The following NR6A1 variants were observed in gnomAD, a reference collection of about 807,000 sequenced individuals.
NR6A1 encodes retinoic acid receptor-related testis-associated receptor.
A neutral mutation model predicts 59.1 loss-of-function variants in NR6A1; 7 were observed. The observed-to-expected ratio is 0.12, with a 90% CI of 0.07 to 0.22. NR6A1 has a LOEUF of 0.22. NR6A1 is among the 10% of genes least tolerant of loss of function. The pLI is 1.00. For missense variants in NR6A1, 468 were observed against 611.6 expected, an observed-to-expected ratio of 0.77 and a Z score of 2.48; for synonymous variants, 243 against 236.1, an observed-to-expected ratio of 1.03 and a Z score of -0.27.
At chr9:124,560,166 C>G (rs1346234064) in intron 2 of NR6A1, among the ~76,000 whole-genome samples, 1 of 152,232 alleles carries the variant, frequency 6.6e-6, no homozygotes, top group African/African-American at 2.4e-5. Flanking sequence ...CAACCACACA[C>G]ATATTTAATT....
At chr9:124,660,648 C>CAAAAAAA (rs753242760) in intron 2 of NR6A1, among the ~76,000 whole-genome samples, 3 of 92,814 alleles carry the variant, frequency 3.2e-5, no homozygotes, top group African/African-American at 7.9e-5. Flanking sequence ...TCTGAGAATA[C>CAAAAAAA]AAAAAAAAAA....
intron 2 of NR6A1, among the ~76,000 whole-genome samples, chr9:124,590,204 G>T (rs1316905963): frequency 6.6e-6 from 1 of 151,420 alleles, no homozygotes; most frequent in Non-Finnish European, 1.5e-5. Flanking sequence ...GAAAAATGAG[G>T]TTTCGACTCT....
chr9:124,580,841 T>C (rs187127263), intron 2 of NR6A1, among the ~76,000 whole-genome samples: 3 of 151,772 alleles, frequency 2.0e-5, no homozygotes, highest in Non-Finnish European at 4.4e-5. Flanking sequence ...ATAATAATAA[T>C]AATAAAGAAT....
At chr9:124,575,192 C>T (rs1045870685) in intron 2 of NR6A1, among the ~76,000 whole-genome samples, 15 of 152,324 alleles carry the variant, frequency 9.8e-5, no homozygotes, top group Non-Finnish European at 2.1e-4. Context: ...CCTGTGATCT[C>T]AGGCTGGTCA....
chr9:124,541,945 C>T (rs894638500), intron 4 of NR6A1, among the ~76,000 whole-genome samples: 4 of 152,152 alleles, frequency 2.6e-5, no homozygotes, highest in Non-Finnish European at 4.4e-5. Flanking sequence ...CATGATTCCA[C>T]TTTATGAGGT....
At chr9:124,765,984 CT>C in intron 1 of NR6A1, among the ~76,000 whole-genome samples, 1 of 152,270 alleles carries the variant, frequency 6.6e-6, no homozygotes, top group Non-Finnish European at 1.5e-5. Context: ...ACACCCTTGT[CT>C]TTTTCTTAAA....
intron 2 of NR6A1, among the ~76,000 whole-genome samples, chr9:124,616,402 C>CAAAAA (rs71372978): frequency 3.4e-4 from 23 of 68,138 alleles, no homozygotes; most frequent in Non-Finnish European, 5.1e-4. Flanking sequence ...GACTCCATCT[C>CAAAAA]AAAAAAAAAA....
intron 2 of NR6A1, among the ~76,000 whole-genome samples, chr9:124,582,812 T>C (rs2131464245): frequency 6.6e-6 from 1 of 152,206 alleles, no homozygotes; most frequent in South Asian, 2.1e-4. Context: ...TGTTTGAGCA[T>C]AAGAGTTCAA....
intron 2 of NR6A1, among the ~76,000 whole-genome samples, chr9:124,556,862 T>C (rs947541961): frequency 1.4e-5 from 2 of 145,866 alleles, no homozygotes; most frequent in Non-Finnish European, 2.9e-5. Context: ...AGGAAACTAA[T>C]ATACCTTTTT....
chr9:124,549,335 G>A (rs927506500), intron 3 of NR6A1, among the ~76,000 whole-genome samples: 1 of 152,212 alleles, frequency 6.6e-6, no homozygotes. Context: ...GATTGTGAGT[G>A]GGGAACACCA....
intron 2 of NR6A1, among the ~76,000 whole-genome samples, chr9:124,643,961 C>T (rs370106769): frequency 2.6e-5 from 4 of 152,054 alleles, no homozygotes; most frequent in Non-Finnish European, 5.9e-5. Flanking sequence ...GGTGCAGTGG[C>T]GCGATACTGG....
chr9:124,567,290 G>T (rs1329636695), intron 2 of NR6A1, among the ~76,000 whole-genome samples: 2 of 152,036 alleles, frequency 1.3e-5, no homozygotes, highest in Non-Finnish European at 2.9e-5. Flanking sequence ...GGGTTAGGGG[G>T]TCAGAGAATG....
chr9:124,526,885 C>A lies in NR6A1; in HGVS notation c.1095G>T (p.Gly365=). Residue 365 remains glycine, a synonymous_variant, in exon 8 of 10, where the codon GGG becomes GGT. Coordinates refer to ENST00000487099, the MANE Select transcript of NR6A1 (RefSeq NM_033334.4). ...DEELHRFSDE[G]MEVIERLIYL... ...AGATGAGCCGCTCGATCACCTCCAT[C>A]CCTTCATCACTAAATCTGAGGAACA... 6.2e-7 allele frequency: 1 copy of A among 1,613,994 alleles called. No individual in the cohort carries two copies. The highest frequency in any genetic ancestry group is 8.5e-7 in the Non-Finnish European group (1 of 1,179,888).
chr9:124,631,976 T>C (rs1836457251), intron 2 of NR6A1, among the ~76,000 whole-genome samples: 1 of 152,222 alleles, frequency 6.6e-6, no homozygotes, highest in Non-Finnish European at 1.5e-5. Context: ...GCTCCATGTA[T>C]GTCCCTGCAA....
intron 2 of NR6A1, among the ~76,000 whole-genome samples, chr9:124,612,111 A>G (rs1446103382): frequency 1.3e-5 from 2 of 152,224 alleles, no homozygotes; most frequent in East Asian, 3.8e-4. Flanking sequence ...TATACTGTTT[A>G]GCTCCTTGTG....
intron 2 of NR6A1, among the ~76,000 whole-genome samples, chr9:124,711,313 C>T (rs1839273657): frequency 6.6e-6 from 1 of 150,684 alleles, no homozygotes; most frequent in African/African-American, 2.4e-5. Flanking sequence ...TTAATTTTCA[C>T]AGCCCTATAA....
intron 2 of NR6A1, among the ~76,000 whole-genome samples, chr9:124,646,921 T>A (rs913051250): frequency 1.3e-5 from 2 of 152,228 alleles, no homozygotes; most frequent in African/African-American, 4.8e-5. Context: ...GTGGAGTTTT[T>A]AAATTTTTTA....
At chr9:124,523,520 T>TTA (rs1832850951) in intron 9 of NR6A1, among the ~76,000 whole-genome samples, 1 of 126,634 alleles carries the variant, frequency 7.9e-6, no homozygotes, top group Non-Finnish European at 1.6e-5. Flanking sequence ...AAACATTGAT[T>TTA]TTTTTTTTTT....
intron 2 of NR6A1, among the ~76,000 whole-genome samples, chr9:124,618,950 GC>G (rs1835980533): frequency 6.6e-6 from 1 of 152,178 alleles, no homozygotes; most frequent in Admixed American, 6.5e-5. Flanking sequence ...GAATTTAGCA[GC>G]ACCAAGATTC....
Sources: allele counts gnomAD v4.1 joint callset (sites outside exome capture counted in the v4.1 genomes callset), GRCh38; gene constraint gnomAD v4.1.1; transcripts MANE v1.5; gene names NCBI Gene and HGNC (gene_info 2026-07-23, HGNC 2026-07-21).